PCDH9: variants seen among roughly 807,000 people sequenced by gnomAD.
PCDH9 encodes protocadherin 9.
Under a neutral mutation model 70.6 loss-of-function variants are expected in PCDH9, and 24 were observed. The observed-to-expected ratio is 0.34, with a 90% confidence interval of 0.25 to 0.48. The LOEUF is 0.48. Ranked by LOEUF, PCDH9 falls within the 20% of genes least tolerant of loss-of-function variation. The probability of loss-of-function intolerance (pLI) is 0.99; values close to 1 mark genes in which losing one functional copy is unlikely to be tolerated. For missense variants in PCDH9, 1,281 were observed against 1,503.6 expected, an observed-to-expected ratio of 0.85 and a Z score of 2.45; for synonymous variants, 562 against 558.5, an observed-to-expected ratio of 1.01 and a Z score of -0.09.
chr13:66,699,160 T>C (rs1350230980), intron 3 of PCDH9, among the ~76,000 whole-genome samples: 1 of 152,034 alleles, frequency 6.6e-6, no homozygotes, highest in African/African-American at 2.4e-5. Flanking sequence ...GTGATCCTCC[T>C]TCGTTGGCCT....
rs573671426 is a variant in PCDH9, at chr13:66,665,699, G to A, written c.3139-34288C>T. ...ATGTGGTCATCTTATGTTCTGTGCT[G>A]TGTCCTCTGCACATGCTTTCCAATT... is the stretch of plus-strand genomic sequence containing the variant. On this transcript the variant is annotated intron_variant, in intron 3 of 4. Transcript: ENST00000377865. Among the ~76,000 whole-genome samples, 12 of 152,246 alleles carry A rather than the reference G, an allele frequency of 7.9e-5. No homozygotes were observed. The South Asian group carries it at 1.2e-3, about 16-fold the overall frequency.
chr13:66,384,385 CTG>C (rs944647608), intron 4 of PCDH9, among the ~76,000 whole-genome samples: 15 of 152,004 alleles, frequency 9.9e-5, no homozygotes, highest in African/African-American at 3.4e-4. Flanking sequence ...GAATGTTAAA[CTG>C]TTTTTGTTGT....
intron 2 of PCDH9, among the ~76,000 whole-genome samples, chr13:67,185,536 T>C (rs2088731170): frequency 6.6e-6 from 1 of 152,216 alleles, no homozygotes; most frequent in Admixed American, 6.5e-5. Context: ...ACTTTCAAAA[T>C]TCAGTGCTTC....
At chr13:67,087,253 G>C (rs2086127015) in intron 2 of PCDH9, among the ~76,000 whole-genome samples, 1 of 151,942 alleles carries the variant, frequency 6.6e-6, no homozygotes, top group African/African-American at 2.4e-5. Context: ...GGGCTTAACT[G>C]TTCCCTCAAG....
intron 2 of PCDH9, among the ~76,000 whole-genome samples, chr13:67,100,371 A>T (rs1376230809): frequency 1.3e-5 from 2 of 152,204 alleles, no homozygotes; most frequent in African/African-American, 2.4e-5. Flanking sequence ...TCTTAAAAAG[A>T]AAAACTACTT....
chr13:67,182,255 G>T (rs1392370375), intron 2 of PCDH9, among the ~76,000 whole-genome samples: 1 of 152,060 alleles, frequency 6.6e-6, no homozygotes, highest in Non-Finnish European at 1.5e-5. Context: ...TTTTTCACCT[G>T]AATATGTTCC....
intron 2 of PCDH9, among the ~76,000 whole-genome samples, chr13:67,055,778 T>TAC (rs2085406900): frequency 6.6e-6 from 1 of 152,098 alleles, no homozygotes; most frequent in Non-Finnish European, 1.5e-5. Context: ...GTCTGGATGA[T>TAC]AGAGTGAGAC....
intron 4 of PCDH9, among the ~76,000 whole-genome samples, chr13:66,630,107 A>T (rs1179119313): frequency 2.0e-5 from 3 of 152,204 alleles, no homozygotes; most frequent in Non-Finnish European, 4.4e-5. Flanking sequence ...TCGTGCAACC[A>T]GTTTGGAGCA....
chr13:67,087,686 GC>G (rs2086136205), intron 2 of PCDH9, among the ~76,000 whole-genome samples: 1 of 151,914 alleles, frequency 6.6e-6, no homozygotes, highest in Admixed American at 6.6e-5. Flanking sequence ...TACAACACAG[GC>G]CAATGTGTTT....
chr13:66,574,595 C>T (rs978263895), intron 4 of PCDH9, among the ~76,000 whole-genome samples: 11 of 152,122 alleles, frequency 7.2e-5, no homozygotes, highest in African/African-American at 2.7e-4. Flanking sequence ...CTTCAAATTT[C>T]CACACTTAAT....
intron 3 of PCDH9, among the ~76,000 whole-genome samples, chr13:66,766,609 G>A (rs2079721953): frequency 6.6e-6 from 1 of 151,832 alleles, no homozygotes; most frequent in Non-Finnish European, 1.5e-5. Flanking sequence ...AGGTGGAAGG[G>A]GAGGAGAGGA....
At chr13:66,396,778 G>A (rs1175977660) in intron 4 of PCDH9, among the ~76,000 whole-genome samples, 1 of 152,116 alleles carries the variant, frequency 6.6e-6, no homozygotes, top group Non-Finnish European at 1.5e-5. Flanking sequence ...ATATGAAAAT[G>A]CCCATCATGA....
Position 67,227,441 on chromosome 13 carries a change from C to T in PCDH9, c.1000G>A (p.Asp334Asn). ...GCTCGAGCAGGAGTGGAGCTGCCGT[C>T]ACTAGCCAGCACTGTCACTTTGTGA... ...AIHKVTVLAS[D>N]GSSTPARATV... Residue 334 changes from aspartate to asparagine, a missense_variant, in exon 2 of 5, where the codon GAC (aspartate) becomes AAC (asparagine). Around this residue, in one of 4 missense-constraint regions of PCDH9, gnomAD observed 798 missense variants for 1,003.1 expected, o/e 0.80. Coordinates refer to ENST00000377865, the MANE Select transcript of PCDH9 (RefSeq NM_203487.3). The surrounding 1 kb of genome is among the most constrained non-coding windows in gnomAD (Gnocchi z 4.6). 1 of 1,613,982 alleles carries T rather than the reference C, an allele frequency of 6.2e-7. No individual in the cohort carries two copies. Among genetic ancestry groups the T allele is most frequent in the Non-Finnish European group, 8.5e-7 (1 of 1,179,900 alleles).
chr13:67,166,734 A>G (rs116717166), intron 2 of PCDH9, among the ~76,000 whole-genome samples: 6 of 152,276 alleles, frequency 3.9e-5, no homozygotes, highest in African/African-American at 1.4e-4. Context: ...AGTTCTTTCC[A>G]TAGCAAAACG....
At chr13:66,353,953 G>T (rs1174464368) in intron 4 of PCDH9, among the ~76,000 whole-genome samples, 4 of 152,050 alleles carry the variant, frequency 2.6e-5, no homozygotes. Flanking sequence ...CCGGTAAGAA[G>T]GAAAATCCTC....
intron 3 of PCDH9, among the ~76,000 whole-genome samples, chr13:66,860,727 T>C (rs564984165): frequency 6.6e-6 from 1 of 152,280 alleles, no homozygotes; most frequent in Non-Finnish European, 1.5e-5. Context: ...TTCTTCCTGC[T>C]AAGTACTTTA....
intron 4 of PCDH9, among the ~76,000 whole-genome samples, chr13:66,362,087 T>C (rs573381690): frequency 6.6e-6 from 1 of 152,326 alleles, no homozygotes; most frequent in Non-Finnish European, 1.5e-5. Flanking sequence ...ACAAAATTAC[T>C]GATATCTAGA....
At chr13:66,869,549 T>A (rs1474034463) in intron 3 of PCDH9, among the ~76,000 whole-genome samples, 5 of 152,154 alleles carry the variant, frequency 3.3e-5, no homozygotes, top group African/African-American at 1.2e-4. Flanking sequence ...TTGTTTCCCA[T>A]CTTTCTTTTT....
rs188160414 is a variant in PCDH9, at chr13:67,057,302, C to G, written c.3037-153697G>C. On this transcript the variant is annotated intron_variant, in intron 2 of 4. Transcript: ENST00000377865. Reference sequence around the variant, plus strand: ...TGAATGGAACTAACTGGGTCTTAATCTGATTAACATGAGCTTGGGAAAGAG... The same window carrying G: ...TGAATGGAACTAACTGGGTCTTAATGTGATTAACATGAGCTTGGGAAAGAG... 3.3e-3 allele frequency among the ~76,000 whole-genome samples: 498 copies of G among 151,848 alleles called. 5 individuals carry two copies. The highest frequency in any genetic ancestry group is 0.011 in the African/African-American group (445 of 41,432).
Sources: gnomAD v4.1 joint callset for allele counts (sites outside exome capture counted in the v4.1 genomes callset) on GRCh38, gnomAD v4.1.1 for gene constraint, gnomAD v4.1.1 regional missense constraint, Gnocchi (gnomAD v3.1) non-coding constraint, MANE v1.5 for transcripts, NCBI Gene and HGNC (gene_info 2026-07-23, HGNC 2026-07-21) for gene names.